The following DLG2 variants were observed in gnomAD, a reference collection of about 807,000 sequenced individuals.
DLG2 encodes disks large homolog 2.
A neutral mutation model predicts 132.5 loss-of-function variants in DLG2; 45 were observed. That is an observed-to-expected ratio of 0.34 (90% confidence interval 0.27 to 0.44). The LOEUF (loss-of-function observed/expected upper bound fraction) is 0.44, where lower values mean the gene tolerates loss of function less well. DLG2 is among the 20% of genes least tolerant of loss of function. DLG2 has a pLI of 1.00. For synonymous variants in DLG2, 424 were observed against 419.6 expected, an observed-to-expected ratio of 1.01 and a Z score of -0.13; for missense variants, 1,045 against 1,196.9, an observed-to-expected ratio of 0.87 and a Z score of 1.87.
At chr11:84,752,173 C>T (rs2066206607) in intron 6 of DLG2, among the ~76,000 whole-genome samples, 2 of 152,182 alleles carry the variant, frequency 1.3e-5, no homozygotes, top group Admixed American at 6.5e-5. Context: ...GCTTGCCTGG[C>T]TTTCTAGCCT....
intron 3 of DLG2, among the ~76,000 whole-genome samples, chr11:85,503,301 C>T (rs2093848114): frequency 6.6e-6 from 1 of 152,046 alleles, no homozygotes; most frequent in Admixed American, 6.6e-5. Flanking sequence ...TACTTTGAGC[C>T]ATCGACAAAT....
chr11:83,526,437 CTA>C (rs1243109170), intron 21 of DLG2, among the ~76,000 whole-genome samples: 1 of 152,108 alleles, frequency 6.6e-6, no homozygotes, highest in African/African-American at 2.4e-5. Context: ...TCCCTTTGCT[CTA>C]TGTGTTGAGT....
At chr11:83,791,505 A>G (rs2041544477) in intron 17 of DLG2, 2 of 637,178 alleles carry the variant, frequency 3.1e-6, no homozygotes, top group East Asian at 3.3e-5. Flanking sequence ...TTGTACTACC[A>G]TGAAATCAGT....
intron 6 of DLG2, among the ~76,000 whole-genome samples, chr11:85,029,602 G>T (rs769828720): frequency 4.6e-5 from 7 of 152,182 alleles, no homozygotes; most frequent in Non-Finnish European, 4.4e-5. Flanking sequence ...GGGGAACAGT[G>T]CAGGTGACAT....
chr11:85,424,753 A>T (rs1051715718), intron 3 of DLG2, among the ~76,000 whole-genome samples: 35 of 152,080 alleles, frequency 2.3e-4, no homozygotes, highest in African/African-American at 8.5e-4. Context: ...GATTTTTTTT[A>T]ACTCTAAGAT....
chr11:85,478,262 T>C (rs2093199839), intron 3 of DLG2, among the ~76,000 whole-genome samples: 1 of 152,020 alleles, frequency 6.6e-6, no homozygotes, highest in Non-Finnish European at 1.5e-5. Flanking sequence ...CCTCAAGCTG[T>C]CCTCCCACCT....
chr11:84,913,343 T>C (rs1402297867), intron 6 of DLG2, among the ~76,000 whole-genome samples: 3 of 152,210 alleles, frequency 2.0e-5, no homozygotes, highest in Non-Finnish European at 2.9e-5. Flanking sequence ...ATTATCCTTT[T>C]GAAATTCAGA....
intron 5 of DLG2, among the ~76,000 whole-genome samples, chr11:85,149,607 A>G (rs1334334238): frequency 6.6e-6 from 1 of 152,182 alleles, no homozygotes; most frequent in Non-Finnish European, 1.5e-5. Context: ...TGAACAGAAT[A>G]TACTTCATTG....
chr11:85,325,277 A>C (rs1406668993), intron 3 of DLG2, among the ~76,000 whole-genome samples: 2 of 152,218 alleles, frequency 1.3e-5, no homozygotes, highest in African/African-American at 2.4e-5. Flanking sequence ...ACCACAGCTC[A>C]AGGAGGCCTG....
intron 5 of DLG2, among the ~76,000 whole-genome samples, chr11:85,130,865 A>G (rs1394859937): frequency 6.6e-6 from 1 of 152,218 alleles, no homozygotes; most frequent in African/African-American, 2.4e-5. Flanking sequence ...AAAGTCCTCT[A>G]AGAGGTCTCT....
At chr11:84,910,291 G>C (rs552004429) in intron 6 of DLG2, among the ~76,000 whole-genome samples, 10 of 152,264 alleles carry the variant, frequency 6.6e-5, no homozygotes, top group African/African-American at 2.4e-4. Flanking sequence ...AAGGGAAAAA[G>C]TAAGTGCTAT....
chr11:84,685,466 T>C (rs539956701), intron 6 of DLG2, among the ~76,000 whole-genome samples: 1 of 152,336 alleles, frequency 6.6e-6, no homozygotes, highest in African/African-American at 2.4e-5. Flanking sequence ...GCAAGCTGAA[T>C]CAGGTACAGC....
Position 85,345,150 on chromosome 11 carries a change from T to G in DLG2, c.41-59785A>C, listed in dbSNP as rs531189392. Among the ~76,000 whole-genome samples the G allele has an allele frequency of 4.6e-4, 70 of 152,292 alleles. 1 individual carries two copies. Among genetic ancestry groups the G allele is most frequent in the African/African-American group, 1.5e-3 (61 of 41,540 alleles). ...GAAAATAGACCATTTCAAATCATTA[T>G]GCACACGGTCTCTTCATTCTTGTTA... On this transcript the variant is annotated intron_variant, in intron 3 of 27. Transcript: ENST00000376104.
intron 6 of DLG2, among the ~76,000 whole-genome samples, chr11:85,100,580 G>T (rs1241126818): frequency 6.6e-6 from 1 of 152,118 alleles, no homozygotes; most frequent in African/African-American, 2.4e-5. Context: ...ACACTGAAAA[G>T]CCCAAGTAAT....
At chr11:85,263,535 C>G (rs995217496) in intron 4 of DLG2, among the ~76,000 whole-genome samples, 1 of 152,200 alleles carries the variant, frequency 6.6e-6, no homozygotes, top group Admixed American at 6.5e-5. Flanking sequence ...ACCCCTTGAC[C>G]TTCAGCCTAC....
rs2097134160 is a variant in DLG2 at position 84,234,481 on chromosome 11, A to T, written c.573+16757T>A. On this transcript the variant is annotated intron_variant, in intron 8 of 27. Transcript: ENST00000376104. ...AGGACTTTCACCCCATGTGTCCCAG[A>T]TCACTCTCAACTTCTAATTATTATG... 2.6e-5 allele frequency among the ~76,000 whole-genome samples: 4 copies of T among 152,208 alleles called. No individual in the cohort carries two copies. The East Asian group carries it at 7.7e-4, about 29-fold the overall frequency.
intron 18 of DLG2, among the ~76,000 whole-genome samples, chr11:83,656,859 G>A (rs2072615319): frequency 1.3e-5 from 2 of 152,100 alleles, no homozygotes; most frequent in African/African-American, 4.8e-5. Flanking sequence ...CTGATGCAGA[G>A]GCCAACATCT....
chr11:84,944,462 C>T (rs1479833420), intron 6 of DLG2, among the ~76,000 whole-genome samples: 1 of 151,954 alleles, frequency 6.6e-6, no homozygotes, highest in African/African-American at 2.4e-5. Context: ...TTTCAAACTG[C>T]CTGTCTTCAA....
intron 3 of DLG2, chr11:85,452,181 T>G (rs1279063255): frequency 5.9e-5 from 9 of 152,096 alleles, no homozygotes; most frequent in Non-Finnish European, 1.3e-4. Context: ...AACCATAGAA[T>G]GTGTGGAAAA....
Sources: allele counts gnomAD v4.1 joint callset (sites outside exome capture counted in the v4.1 genomes callset), GRCh38; gene constraint gnomAD v4.1.1; transcripts MANE v1.5; gene names NCBI Gene and HGNC (gene_info 2026-07-23, HGNC 2026-07-21).